Variants in GUCY1A2 observed in about 807,000 individuals in gnomAD.
GUCY1A2 encodes the protein guanylate cyclase soluble subunit alpha-2.
GUCY1A2 carries 27 observed loss-of-function variants against 63.5 expected under a neutral mutation model. The ratio of observed to expected loss-of-function variants is 0.43; its 90% CI spans 0.31 to 0.59. GUCY1A2 has a LOEUF of 0.59. GUCY1A2 is among the 20% of genes least tolerant of loss of function. The pLI, the probability that GUCY1A2 is intolerant of heterozygous loss-of-function variation, is 0.11. For synonymous variants in GUCY1A2, 364 were observed against 343.5 expected (o/e 1.06, Z -0.66); for missense variants, 768 against 913.3 (o/e 0.84, Z 2.05).
intron 3 of GUCY1A2, among the ~76,000 whole-genome samples, chr11:106,962,331 C>T (rs947623932): frequency 6.6e-6 from 1 of 151,746 alleles, no homozygotes. Context: ...GCAGGTGGAT[C>T]ATGAGGTCAG....
chr11:106,932,938 C>G (rs953011815), intron 4 of GUCY1A2, among the ~76,000 whole-genome samples: 1 of 152,012 alleles, frequency 6.6e-6, no homozygotes, highest in Non-Finnish European at 1.5e-5. Flanking sequence ...AAATGGGACC[C>G]CTGCCTTTTA....
chr11:106,835,468 AGAGAATAAAGAGAATGGG>A (rs1370532898), intron 4 of GUCY1A2, among the ~76,000 whole-genome samples: 2 of 151,788 alleles, frequency 1.3e-5, no homozygotes, highest in Admixed American at 6.6e-5. Flanking sequence ...TACCTGAGGG[AGAGAATAAAGAGAATGGG>A]GAGAATAAAG....
chr11:106,721,296 T>C (rs1274326664), intron 6 of GUCY1A2, among the ~76,000 whole-genome samples: 1 of 152,154 alleles, frequency 6.6e-6, no homozygotes, highest in Non-Finnish European at 1.5e-5. Flanking sequence ...CGGCCTCAGG[T>C]GATCTGCCTG....
At chr11:106,926,149 G>T (rs1860518131) in intron 4 of GUCY1A2, among the ~76,000 whole-genome samples, 1 of 152,196 alleles carries the variant, frequency 6.6e-6, no homozygotes, top group Non-Finnish European at 1.5e-5. Context: ...GCTGGGCGCA[G>T]TGGTTCACGT....
At chr11:106,770,664 A>G (rs1388386971) in intron 6 of GUCY1A2, among the ~76,000 whole-genome samples, 2 of 151,746 alleles carry the variant, frequency 1.3e-5, no homozygotes, top group Admixed American at 6.6e-5. Context: ...GAAGCTAAAA[A>G]TTAAAAATTA....
chr11:106,766,087 C>G (rs958834114), intron 6 of GUCY1A2, among the ~76,000 whole-genome samples: 9 of 152,058 alleles, frequency 5.9e-5, no homozygotes, highest in Non-Finnish European at 1.3e-4. Flanking sequence ...AGTGGTGACC[C>G]AGACAATTAC....
At chr11:106,698,734 T>C (rs891913833) in intron 7 of GUCY1A2, among the ~76,000 whole-genome samples, 81 of 152,292 alleles carry the variant, frequency 5.3e-4, no homozygotes, top group African/African-American at 1.9e-3. Context: ...AAAATATTTG[T>C]AGAATTATCT....
intron 5 of GUCY1A2, among the ~76,000 whole-genome samples, chr11:106,798,292 A>G (rs1278693094): frequency 6.6e-6 from 1 of 152,178 alleles, no homozygotes; most frequent in African/African-American, 2.4e-5. Context: ...AACCAAAAAA[A>G]GTCCAGGACC....
intron 4 of GUCY1A2, among the ~76,000 whole-genome samples, chr11:106,854,393 T>C (rs1859398477): frequency 6.6e-6 from 1 of 152,056 alleles, no homozygotes; most frequent in African/African-American, 2.4e-5. Context: ...TGTGCAGTGG[T>C]AGTGACCATG....
intron 6 of GUCY1A2, among the ~76,000 whole-genome samples, chr11:106,726,907 G>A (rs1192263523): frequency 1.3e-5 from 2 of 152,196 alleles, no homozygotes; most frequent in Non-Finnish European, 2.9e-5. Flanking sequence ...TGTTCTGGCT[G>A]TGGCGGACTT....
chr11:106,942,764 T>C (rs921000752), intron 3 of GUCY1A2, among the ~76,000 whole-genome samples: 3 of 152,082 alleles, frequency 2.0e-5, no homozygotes, highest in Non-Finnish European at 2.9e-5. Flanking sequence ...CAAAGAATCA[T>C]CCAGAAAATA....
At position 106,860,262 on chromosome 11, in the gene GUCY1A2, T is replaced by C. The variant is rs541162034; in HGVS notation, c.1207-49784A>G. 4.6e-5 allele frequency among the ~76,000 whole-genome samples: 7 copies of C among 150,722 alleles called. 1 individual carries two copies. The highest frequency in any genetic ancestry group is 1.5e-4 in the African/African-American group (6 of 40,896). On this transcript the variant is annotated intron_variant, in intron 4 of 7. Coordinates refer to ENST00000526355, the MANE Select transcript of GUCY1A2 (RefSeq NM_000855.3). ...AAACATTTCTCAAAACTAAGAGTAA[T>C]AGTATGAACATTGATTTTTTTTTTT... is the stretch of plus-strand genomic sequence containing the variant.
In GUCY1A2 at chr11:106,675,028, T is replaced by A. The variant is rs1480285515; in HGVS notation, c.*12521A>T. ...TTAGGATATTACTATTAGGATGATA[T>A]TTAAAGTACTGTTTGGGAAATGAGA... On this transcript the variant is annotated 3_prime_UTR_variant, in exon 8 of 8. Transcript: ENST00000526355. The A allele has an allele frequency of 9.4e-6, 2 of 212,222 alleles. No individual in the cohort carries two copies. Among genetic ancestry groups the A allele is most frequent in the East Asian group, 1.4e-4 (2 of 14,202 alleles). The allele number at this position is 212,222 out of a possible 1,614,324, so 13.1% of individuals were successfully genotyped here. A position where few individuals can be genotyped will look rare whatever the true frequency, so the allele number is the denominator to read the frequency against.
rs564303345 is a variant in GUCY1A2, at chr11:106,874,808, T to A, written c.1207-64330A>T. Reference sequence around the variant, plus strand: ...AAAAATATTGTAATATTTAATCTTTTAAAAAAAAACTTGGTTAAAGTTTCT... The same window carrying A: ...AAAAATATTGTAATATTTAATCTTTAAAAAAAAAACTTGGTTAAAGTTTCT... On this transcript the variant is annotated intron_variant, in intron 4 of 7. Transcript: ENST00000526355. 5.9e-5 allele frequency among the ~76,000 whole-genome samples: 9 copies of A among 151,586 alleles called. No individual in the cohort carries two copies. In the South Asian group the frequency reaches 6.3e-4, roughly 11 times the overall value.
At chr11:106,893,507 T>C (rs1860003582) in intron 4 of GUCY1A2, among the ~76,000 whole-genome samples, 1 of 152,130 alleles carries the variant, frequency 6.6e-6, no homozygotes, top group Non-Finnish European at 1.5e-5. Context: ...AATTATAGGG[T>C]ACAACATAAC....
intron 4 of GUCY1A2, 140 bp from the exon 5 acceptor site, chr11:106,810,618 T>C (rs766974705): frequency 3.3e-6 from 2 of 611,658 alleles, no homozygotes; most frequent in Admixed American, 6.7e-5. Flanking sequence ...CAAATTTAAA[T>C]CTGATTTTCA....
rs1591307361 is a variant in GUCY1A2 at position 106,866,359 on chromosome 11, A to ATG, written c.1207-55882_1207-55881insCA. ...TCCTGTTAGACTAATGAGTCACAAA[A>ATG]CATTTCCTAAGGAAGCATATTTGTC... is the stretch of plus-strand genomic sequence containing the variant. On this transcript the variant is annotated intron_variant, in intron 4 of 7. Coordinates refer to ENST00000526355, the MANE Select transcript of GUCY1A2 (RefSeq NM_000855.3). 5.9e-5 allele frequency among the ~76,000 whole-genome samples: 9 copies of ATG among 152,188 alleles called. No homozygotes were observed. In the South Asian group the frequency reaches 1.0e-3, roughly 18 times the overall value.
intron 4 of GUCY1A2, among the ~76,000 whole-genome samples, chr11:106,903,770 C>T (rs1040587477): frequency 6.6e-6 from 1 of 152,158 alleles, no homozygotes; most frequent in African/African-American, 2.4e-5. Context: ...AATTTACCAT[C>T]AAGCCACAGA....
At chr11:106,894,325 G>A (rs1053313396) in intron 4 of GUCY1A2, among the ~76,000 whole-genome samples, 1 of 152,114 alleles carries the variant, frequency 6.6e-6, no homozygotes, top group Non-Finnish European at 1.5e-5. Flanking sequence ...AAAAGTTTAG[G>A]GAGAAATAGA....
Sources: allele counts gnomAD v4.1 joint callset (sites outside exome capture counted in the v4.1 genomes callset), GRCh38; gene constraint gnomAD v4.1.1; transcripts MANE v1.5; gene names NCBI Gene and HGNC (gene_info 2026-07-23, HGNC 2026-07-21).